SPATS2L: variants seen among roughly 807,000 people sequenced by gnomAD.
SPATS2L encodes SPATS2-like protein.
SPATS2L carries 30 observed loss-of-function variants against 59.6 expected under a neutral mutation model. The ratio of observed to expected loss-of-function variants is 0.50; its 90% CI spans 0.38 to 0.68. The LOEUF is 0.68. SPATS2L is among the 30% of genes least tolerant of loss of function. SPATS2L has a pLI of 0.00. For synonymous variants in SPATS2L, 252 were observed against 263.5 expected (o/e 0.96, Z 0.42); for missense variants, 615 against 700.0 (o/e 0.88, Z 1.37).
chr2:200,353,336 G>C (rs2105849637), intron 2 of SPATS2L, among the ~76,000 whole-genome samples: 1 of 152,258 alleles, frequency 6.6e-6, no homozygotes, highest in Middle Eastern at 3.4e-3. Flanking sequence ...CCTTGTATGT[G>C]TTTTGACGGA....
rs1483654392 is a variant in SPATS2L, at chr2:200,357,582, T to C, written c.-23+28102T>C. On this transcript the variant is annotated intron_variant, in intron 2 of 12. Transcript: ENST00000409140. ...ATGCCTCTTTTCTTAGATTATGGTTTTGAAAAGCCAACCCAGACCAAATTA... is the reference window on the plus strand; with the variant it reads ...ATGCCTCTTTTCTTAGATTATGGTTCTGAAAAGCCAACCCAGACCAAATTA... Among the ~76,000 whole-genome samples, 5 of 152,310 alleles carry C rather than the reference T, an allele frequency of 3.3e-5. No homozygotes were observed. The South Asian group carries it at 1.0e-3, about 32-fold the overall frequency.
intron 2 of SPATS2L, among the ~76,000 whole-genome samples, chr2:200,334,914 A>AGCGTGAT: frequency 6.6e-6 from 1 of 152,314 alleles, no homozygotes; most frequent in Admixed American, 6.5e-5. Context: ...TGGTTACTGT[A>AGCGTGAT]GCCTTGTAGT....
intron 2 of SPATS2L, among the ~76,000 whole-genome samples, chr2:200,384,447 G>A (rs866476599): frequency 5.9e-5 from 9 of 152,128 alleles, no homozygotes; most frequent in East Asian, 1.9e-4. Context: ...TCTGCCTCCC[G>A]GATTCATGCC....
intron 8 of SPATS2L, among the ~76,000 whole-genome samples, chr2:200,441,178 C>T (rs992875574): frequency 4.6e-5 from 7 of 152,226 alleles, no homozygotes; most frequent in South Asian, 2.1e-4. Flanking sequence ...ATTCCCTTAA[C>T]GAAATTCAGA....
intron 3 of SPATS2L, among the ~76,000 whole-genome samples, chr2:200,410,341 T>C (rs948453114): frequency 2.0e-5 from 3 of 152,098 alleles, no homozygotes; most frequent in Non-Finnish European, 4.4e-5. Flanking sequence ...CTGGGCTGGA[T>C]GGAGGGATTT....
intron 1 of SPATS2L, among the ~76,000 whole-genome samples, chr2:200,312,386 C>A (rs1020341735): frequency 2.0e-5 from 3 of 152,180 alleles, no homozygotes; most frequent in Non-Finnish European, 1.5e-5. Context: ...ATAGAACCCT[C>A]ATTCTGATTC....
chr2:200,359,710 C>G (rs1409183563), intron 2 of SPATS2L, among the ~76,000 whole-genome samples: 3 of 152,186 alleles, frequency 2.0e-5, no homozygotes, highest in African/African-American at 7.2e-5. Flanking sequence ...AAATCCTGGC[C>G]ATTCAGCAAC....
At chr2:200,311,814 A>T (rs2079200241) in intron 1 of SPATS2L, among the ~76,000 whole-genome samples, 1 of 152,218 alleles carries the variant, frequency 6.6e-6, no homozygotes. Flanking sequence ...AGCAGAGCTC[A>T]GAAGGGAAAA....
At chr2:200,476,692 A>T in intron 12 of SPATS2L, among the ~76,000 whole-genome samples, 1 of 152,260 alleles carries the variant, frequency 6.6e-6, no homozygotes, top group East Asian at 1.9e-4. Flanking sequence ...CCCAGAGGGC[A>T]TGCGTTACAA....
chr2:200,445,093 G>A (rs1340812481), intron 8 of SPATS2L, among the ~76,000 whole-genome samples: 2 of 152,084 alleles, frequency 1.3e-5, no homozygotes, highest in African/African-American at 2.4e-5. Context: ...ACTTTGGGAG[G>A]CTGAGGCAGG....
At position 200,399,273 on chromosome 2, in the gene SPATS2L, A is replaced by G. The variant is rs369726149; in HGVS notation, c.39+9990A>G. ...AACCACCATCCTACTCCCTGCTTCTATGAGTTTGACTATTTTACATGCTTC... is the reference window on the plus strand; with the variant it reads ...AACCACCATCCTACTCCCTGCTTCTGTGAGTTTGACTATTTTACATGCTTC... On this transcript the variant is annotated intron_variant, in intron 3 of 12. Coordinates refer to ENST00000409140, the MANE Select transcript of SPATS2L (RefSeq NM_001100423.2). Among the ~76,000 whole-genome samples the G allele has an allele frequency of 3.1e-4, 47 of 152,152 alleles. No homozygotes were observed. The East Asian group carries it at 6.8e-3, about 22-fold the overall frequency.
intron 10 of SPATS2L, 198 bp from the exon 11 acceptor site, chr2:200,469,716 C>T (rs1207386750): frequency 5.8e-6 from 3 of 518,090 alleles, no homozygotes; most frequent in Non-Finnish European, 1.0e-5. Context: ...TCACATATTC[C>T]CCAGGCAGGA....
chr2:200,424,209 G>A (rs150315100), intron 6 of SPATS2L, among the ~76,000 whole-genome samples: 3 of 152,186 alleles, frequency 2.0e-5, no homozygotes, highest in South Asian at 4.2e-4. Flanking sequence ...TTTGCCGAGC[G>A]GGCACAGTGG....
chr2:200,420,549 A>C (rs1359544774), intron 6 of SPATS2L, among the ~76,000 whole-genome samples: 2 of 152,192 alleles, frequency 1.3e-5, no homozygotes, highest in African/African-American at 2.4e-5. Context: ...CTGTGAATGC[A>C]CCTGCTACAA....
At chr2:200,307,518 A>T (rs2079063901) in intron 1 of SPATS2L, among the ~76,000 whole-genome samples, 1 of 151,974 alleles carries the variant, frequency 6.6e-6, no homozygotes, top group Non-Finnish European at 1.5e-5. Flanking sequence ...GGGTGGCCGG[A>T]GCAGACGCGG....
intron 6 of SPATS2L, among the ~76,000 whole-genome samples, chr2:200,425,003 T>C (rs1482254628): frequency 6.6e-6 from 1 of 152,202 alleles, no homozygotes; most frequent in Non-Finnish European, 1.5e-5. Flanking sequence ...CTGTCGTTTT[T>C]ACCTTAGCAA....
At chr2:200,444,478 A>G (rs995872470) in intron 8 of SPATS2L, among the ~76,000 whole-genome samples, 3 of 152,170 alleles carry the variant, frequency 2.0e-5, no homozygotes, top group East Asian at 3.8e-4. Context: ...TAATGAGCCA[A>G]TGGGGTAGCG....
At chr2:200,430,638 A>G (rs1236223512) in intron 6 of SPATS2L, among the ~76,000 whole-genome samples, 1 of 151,886 alleles carries the variant, frequency 6.6e-6, no homozygotes, top group Non-Finnish European at 1.5e-5. Flanking sequence ...CGTGATTTAA[A>G]TATCTGCATT....
chr2:200,468,062 C>T (rs2086722602), intron 10 of SPATS2L, among the ~76,000 whole-genome samples: 1 of 151,892 alleles, frequency 6.6e-6, no homozygotes, highest in Non-Finnish European at 1.5e-5. Context: ...AAGCAATAAT[C>T]ACTAGACACT....
Sources: allele counts gnomAD v4.1 joint callset (sites outside exome capture counted in the v4.1 genomes callset), GRCh38; gene constraint gnomAD v4.1.1; transcripts MANE v1.5; gene names NCBI Gene and HGNC (gene_info 2026-07-23, HGNC 2026-07-21).